Variants in DPP10 observed in about 807,000 individuals in gnomAD.
DPP10 encodes the protein inactive dipeptidyl peptidase 10.
A neutral mutation model predicts 120.9 loss-of-function variants in DPP10; 33 were observed. The observed-to-expected ratio is 0.27, with a 90% CI of 0.21 to 0.37. DPP10 has a LOEUF of 0.37. Among genes scored for constraint, DPP10 ranks in the 10% least tolerant of loss-of-function variants. The pLI, the probability that DPP10 is intolerant of heterozygous loss-of-function variation, is 1.00. For synonymous variants in DPP10, 337 were observed against 326.1 expected, an observed-to-expected ratio of 1.03 and a Z score of -0.36; for missense variants, 816 against 942.8, an observed-to-expected ratio of 0.87 and a Z score of 1.76.
intron 5 of DPP10, among the ~76,000 whole-genome samples, chr2:115,627,345 A>G (rs546485194): frequency 6.6e-6 from 1 of 152,160 alleles, no homozygotes; most frequent in Non-Finnish European, 1.5e-5. Context: ...ATACATATAT[A>G]TACTCTCAGC....
chr2:114,951,528 G>A (rs1212642294), intron 1 of DPP10, among the ~76,000 whole-genome samples: 2 of 152,068 alleles, frequency 1.3e-5, no homozygotes, highest in Non-Finnish European at 2.9e-5. Context: ...ATTATTCTAA[G>A]TTATTAGATA....
intron 1 of DPP10, among the ~76,000 whole-genome samples, chr2:114,535,079 G>C (rs2104764046): frequency 1.1e-5 from 1 of 88,200 alleles, no homozygotes; most frequent in South Asian, 5.6e-4. Context: ...CCATTTGCAA[G>C]AGTTTGTTTC....
At chr2:115,611,730 A>G (rs1174494771) in intron 5 of DPP10, among the ~76,000 whole-genome samples, 1 of 152,124 alleles carries the variant, frequency 6.6e-6, no homozygotes, top group Non-Finnish European at 1.5e-5. Flanking sequence ...TTTTTAAAGC[A>G]CTAGTCTTGG....
intron 3 of DPP10, among the ~76,000 whole-genome samples, chr2:115,383,026 A>G (rs555614113): frequency 2.0e-4 from 31 of 152,332 alleles, no homozygotes; most frequent in African/African-American, 7.5e-4. Flanking sequence ...ATTTCTCATT[A>G]TCTTCAAGAA....
intron 2 of DPP10, among the ~76,000 whole-genome samples, chr2:115,317,601 T>A (rs2061855850): frequency 6.6e-6 from 1 of 151,904 alleles, no homozygotes; most frequent in Non-Finnish European, 1.5e-5. Context: ...TGTTCCAGTT[T>A]CTCCAAATTC....
At chr2:114,803,346 G>T (rs1297217058) in intron 1 of DPP10, among the ~76,000 whole-genome samples, 4 of 152,146 alleles carry the variant, frequency 2.6e-5, no homozygotes, top group Non-Finnish European at 5.9e-5. Flanking sequence ...CAGTAAACTG[G>T]TAACAGTAGA....
chr2:114,780,029 G>T (rs949783382), intron 1 of DPP10, among the ~76,000 whole-genome samples: 1 of 151,866 alleles, frequency 6.6e-6, no homozygotes, highest in Non-Finnish European at 1.5e-5. Flanking sequence ...CCAGCTACTC[G>T]GGAGGCTGAG....
At chr2:114,579,673 G>A (rs10496466) in intron 1 of DPP10, among the ~76,000 whole-genome samples, 25,061 of 152,130 alleles carry the variant, frequency 0.16, 2,157 homozygotes, top group Non-Finnish European at 0.19. Flanking sequence ...GGAGCTTTCT[G>A]CAAGGAGTTT....
At chr2:114,563,377 A>G (rs1318462734) in intron 1 of DPP10, among the ~76,000 whole-genome samples, 1 of 152,148 alleles carries the variant, frequency 6.6e-6, no homozygotes, top group Non-Finnish European at 1.5e-5. Context: ...TCTCAAAAAA[A>G]AAAAAAAAAT....
intron 21 of DPP10, among the ~76,000 whole-genome samples, chr2:115,835,862 A>G (rs1321367773): frequency 6.6e-6 from 1 of 152,096 alleles, no homozygotes; most frequent in African/African-American, 2.4e-5. Context: ...GTATGAAATC[A>G]TGGAGCAATA....
chr2:114,972,732 A>G (rs1179209793), intron 1 of DPP10, among the ~76,000 whole-genome samples: 3 of 152,216 alleles, frequency 2.0e-5, no homozygotes, highest in Non-Finnish European at 4.4e-5. Flanking sequence ...CTAATCAAGA[A>G]AGTGTTCTAT....
intron 3 of DPP10, among the ~76,000 whole-genome samples, chr2:115,469,987 A>G (rs1225581155): frequency 6.6e-6 from 1 of 151,878 alleles, no homozygotes; most frequent in Admixed American, 6.6e-5. Context: ...GATTAATTCC[A>G]TTTTTAAATG....
chr2:115,390,109 T>G (rs2067223764), intron 3 of DPP10, among the ~76,000 whole-genome samples: 1 of 152,210 alleles, frequency 6.6e-6, no homozygotes, highest in South Asian at 2.1e-4. Flanking sequence ...CAGCTCTTAT[T>G]ACAGTGACTA....
intron 3 of DPP10, among the ~76,000 whole-genome samples, chr2:115,401,497 C>A (rs569408370): frequency 1.3e-5 from 2 of 152,160 alleles, no homozygotes; most frequent in East Asian, 3.9e-4. Context: ...GTGGGAAGGT[C>A]ACTTGAGCTC....
chr2:115,293,191 G>A (rs371929881), intron 1 of DPP10, among the ~76,000 whole-genome samples: 30 of 152,234 alleles, frequency 2.0e-4, no homozygotes, highest in Admixed American at 9.2e-4. Flanking sequence ...GGGTCAGTGC[G>A]GTCAGGCCCT....
At chr2:114,752,970 A>C (rs1224231651) in intron 1 of DPP10, among the ~76,000 whole-genome samples, 1 of 152,180 alleles carries the variant, frequency 6.6e-6, no homozygotes, top group African/African-American at 2.4e-5. Context: ...GGATCCTGTG[A>C]GCATCCCTTG....
rs146897040 is a variant in DPP10 at position 115,453,553 on chromosome 2, A to T, written c.272-45957A>T. Among the ~76,000 whole-genome samples the T allele has an allele frequency of 3.8e-3, 574 of 151,784 alleles. 2 individuals are homozygous for T. The highest frequency in any genetic ancestry group is 6.1e-3 in the Non-Finnish European group (412 of 67,684). On this transcript the variant is annotated intron_variant, in intron 3 of 25. Transcript: ENST00000410059. ...GGAAATTTATGAATATATTTCTAAA[A>T]GAGGTCACAAGAAATTGTAAAATAT... is the stretch of plus-strand genomic sequence containing the variant.
chr2:115,313,986 T>C (rs1426322476), intron 2 of DPP10, among the ~76,000 whole-genome samples: 1 of 152,186 alleles, frequency 6.6e-6, no homozygotes, highest in Admixed American at 6.5e-5. Flanking sequence ...TACAAATATA[T>C]GAGTGTACAT....
chr2:115,677,182 T>C (rs2090330893), intron 5 of DPP10, among the ~76,000 whole-genome samples: 1 of 152,176 alleles, frequency 6.6e-6, no homozygotes, highest in Admixed American at 6.5e-5. Context: ...CCTACAAGAA[T>C]GCTTAAGAAA....
Sources: allele counts gnomAD v4.1 joint callset (sites outside exome capture counted in the v4.1 genomes callset), GRCh38; gene constraint gnomAD v4.1.1; transcripts MANE v1.5; gene names NCBI Gene and HGNC (gene_info 2026-07-23, HGNC 2026-07-21).